The following PELP1 variants were observed in gnomAD, a reference collection of about 807,000 sequenced individuals.
PELP1 encodes proline, glutamate and leucine rich protein 1.
A neutral mutation model predicts 95.5 loss-of-function variants in PELP1; 32 were observed. The observed-to-expected ratio is 0.34, with a 90% CI of 0.25 to 0.45. The LOEUF (loss-of-function observed/expected upper bound fraction) is 0.45, where lower values mean the gene tolerates loss of function less well. Among genes scored for constraint, PELP1 ranks in the 20% least tolerant of loss-of-function variants. The probability of loss-of-function intolerance (pLI) is 1.00; values close to 1 mark genes in which losing one functional copy is unlikely to be tolerated. For synonymous variants in PELP1, 668 were observed against 600.1 expected (o/e 1.11, Z -1.65); for missense variants, 1,358 against 1,444.8 (o/e 0.94, Z 0.97).
At position 4,673,706 on chromosome 17, in the gene PELP1, G is replaced by A. The variant is rs534477334; in HGVS notation, c.1583-32C>T. On this transcript the variant is annotated intron_variant, in intron 13 of 16. Coordinates refer to ENST00000572293, the MANE Select transcript of PELP1 (RefSeq NM_014389.3). This position sits in a 1 kb window ranked among gnomAD's most constrained non-coding sequence, Gnocchi z 5.7. The stretch of plus-strand genomic sequence containing the variant: ...AAGAAGAATGGTGTGTAAAGGGTAG[G>A]CTCCCAACAGACTGACGGCAAGGGC... The A allele has an allele frequency of 2.8e-4, 445 of 1,596,546 alleles. 2 individuals are homozygous for A. Among genetic ancestry groups the A allele is most frequent in the Non-Finnish European group, 1.1e-4 (133 of 1,164,006 alleles).
At chr17:4,687,308 G>A (rs1912939507) in intron 3 of PELP1, among the ~76,000 whole-genome samples, 1 of 152,120 alleles carries the variant, frequency 6.6e-6, no homozygotes, top group Admixed American at 6.6e-5. Flanking sequence ...ACTCTGGGAG[G>A]CCAAGGTGGG....
chr17:4,681,459 C>T (rs1261576832), intron 5 of PELP1, among the ~76,000 whole-genome samples: 2 of 151,720 alleles, frequency 1.3e-5, no homozygotes, highest in African/African-American at 2.4e-5. Context: ...TGCAGTGAGC[C>T]GATATCACAC....
chr17:4,679,846 AC>A (rs2150556467), intron 5 of PELP1, among the ~76,000 whole-genome samples: 1 of 152,238 alleles, frequency 6.6e-6, no homozygotes, highest in South Asian at 2.1e-4. Context: ...CAAGGACACA[AC>A]CCCTCGCTCA....
intron 3 of PELP1, among the ~76,000 whole-genome samples, chr17:4,683,677 T>C (rs147876769): frequency 6.6e-6 from 1 of 151,384 alleles, no homozygotes; most frequent in African/African-American, 2.4e-5. Context: ...ATTACAGGCA[T>C]GGACCATCAT....
At position 4,671,106 on chromosome 17, in the gene PELP1, C is replaced by CA. The variant is rs1912178342; in HGVS notation, c.*332dup. 1.5e-5 allele frequency: 5 copies of CA among 332,372 alleles called. No individual in the cohort carries two copies. The South Asian group carries it at 1.5e-4, about 10-fold the overall frequency. 20.6% of individuals were successfully genotyped at this position (332,372 alleles called of 1,614,324 possible). On this transcript the variant is annotated 3_prime_UTR_variant, in exon 17 of 17. Transcript: ENST00000572293. Reference sequence around the variant, plus strand: ...CTCCACACATTTCCCACCCCGAATACAAACACGAAAGCAGGGCTGTGTCTC... The same window carrying CA: ...CTCCACACATTTCCCACCCCGAATACAAAACACGAAAGCAGGGCTGTGTCTC...
In PELP1 at chr17:4,682,502, T is replaced by C. The variant is rs1435523813; in HGVS notation, c.642A>G (p.Lys214=). 6.2e-7 allele frequency: 1 copy of C among 1,602,896 alleles called. No homozygotes were observed. The highest frequency in any genetic ancestry group is 8.5e-7 in the Non-Finnish European group (1 of 1,169,916). The change falls in exon 5 of 17, where the codon AAA becomes AAG. Residue 214 remains lysine, a splice_region_variant and synonymous_variant. Transcript: ENST00000572293. ...GGGAGAAGAGTGCATAAATACTTAC[T>C]TTGAGAGAACCACAAGCCCGAGGGA... The part of the protein sequence containing the change: ...TYFPRACGSL[K]GKLASFFLSR...
At chr17:4,678,247 C>G (rs1169526660) in intron 5 of PELP1, among the ~76,000 whole-genome samples, 1 of 151,946 alleles carries the variant, frequency 6.6e-6, no homozygotes, top group Non-Finnish European at 1.5e-5. Context: ...GATAACAAGA[C>G]AAGCATATGG....
chr17:4,699,876 T>C (rs1432843518), intron 1 of PELP1, among the ~76,000 whole-genome samples: 1 of 140,560 alleles, frequency 7.1e-6, no homozygotes, highest in African/African-American at 2.6e-5. Context: ...TGTGAGTCAC[T>C]GCACCCAGCC....
rs1016123113 is a variant in PELP1 at position 4,672,125 on chromosome 17, C to G, written c.2866G>C (p.Glu956Gln). 6 of 1,552,486 alleles carry G rather than the reference C, an allele frequency of 3.9e-6. No individual in the cohort carries two copies. The African/African-American group carries it at 8.2e-5, about 21-fold the overall frequency. The change falls in exon 16 of 17, where the codon GAA becomes CAA. Residue 956 changes from glutamate (E) to glutamine (Q), a missense_variant. Glu to Gln is a conservative substitution (Grantham distance 29, BLOSUM62 2). Transcript: ENST00000572293. Reference sequence around the variant, plus strand: ...TCCAGGTCTTCCACCTCTTCCAGTTCTTCTTCCTCCTCCTCATCCTCCTCT... The same window carrying G: ...TCCAGGTCTTCCACCTCTTCCAGTTGTTCTTCCTCCTCCTCATCCTCCTCT... The part of the protein sequence containing the change: ...EEEEDEEEEE[E>Q]LEEVEDLEFG...
rs1225374986 is a variant in PELP1, at chr17:4,671,528, GCTC to G, written c.3301_3303del (p.Glu1101del). On this transcript the variant is annotated inframe_deletion and splice_region_variant, in exon 17 of 17. Coordinates refer to ENST00000572293, the MANE Select transcript of PELP1 (RefSeq NM_014389.3). Reference sequence around the variant, plus strand: ...GCCAGCATGGCAGCTGTGTCATCCTGCTCCTTTTAGGCACAAAGATACAAGATT... The same window carrying G: ...GCCAGCATGGCAGCTGTGTCATCCTGCTTTTAGGCACAAAGATACAAGATT... 1.2e-6 allele frequency: 2 copies of G among 1,613,654 alleles called. No individual in the cohort carries two copies. Among genetic ancestry groups the G allele is most frequent in the African/African-American group, 1.3e-5 (1 of 75,030 alleles).
In PELP1 at chr17:4,703,962, C is replaced by T. The variant is rs1381507246; in HGVS notation, c.150G>A (p.Gly50=). Residue 50 remains glycine, a synonymous_variant, in exon 1 of 17, where the codon GGG becomes GGA. Transcript: ENST00000572293. ...SVSGLLQPRT[G]SAVAPVHPPN... is the part of the protein sequence containing the mutation. Reference sequence around the variant, plus strand: ...GGGGATGCACCGGAGCAACGGCAGACCCCGTTCGAGGTTGCAGCAAACCAG... The same window carrying T: ...GGGGATGCACCGGAGCAACGGCAGATCCCGTTCGAGGTTGCAGCAAACCAG... 2 of 1,613,510 alleles carry T rather than the reference C, an allele frequency of 1.2e-6. No homozygotes were observed. Among genetic ancestry groups the T allele is most frequent in the Non-Finnish European group, 8.5e-7 (1 of 1,179,760 alleles).
chr17:4,701,492 G>A (rs1057450335), intron 1 of PELP1, among the ~76,000 whole-genome samples: 1 of 152,172 alleles, frequency 6.6e-6, no homozygotes. Context: ...GGATTACAGA[G>A]GGCAAGACTG....
At chr17:4,685,475 A>G (rs1912871722) in intron 3 of PELP1, among the ~76,000 whole-genome samples, 1 of 151,948 alleles carries the variant, frequency 6.6e-6, no homozygotes, top group African/African-American at 2.4e-5. Context: ...CCATCTAAAC[A>G]CTGAAGACTC....
chr17:4,672,319 T>C lies in PELP1; in HGVS notation c.2672A>G (p.Glu891Gly), dbSNP rs746862858. 6.4e-7 allele frequency: 1 copy of C among 1,553,500 alleles called. No homozygotes were observed. The highest frequency in any genetic ancestry group is 1.4e-5 in the African/African-American group (1 of 73,228). ...ININSSDEEE[E>G]EEEEEEEEEE... ...TTCTTCTTCCTCTTCTTCCTCTTCC[T>C]CCTCCTCTTCATCACTGCTGTTGAT... Residue 891 changes from glutamate to glycine, a missense_variant, in exon 16 of 17, where the codon GAG (glutamate) becomes GGG (glycine). Glu to Gly is a moderately conservative substitution (Grantham distance 98). Transcript: ENST00000572293.
At chr17:4,683,283 C>G (rs1302295270) in intron 3 of PELP1, among the ~76,000 whole-genome samples, 7 of 148,138 alleles carry the variant, frequency 4.7e-5, no homozygotes, top group Non-Finnish European at 7.4e-5. Flanking sequence ...TGCAGTGGCG[C>G]GATCTCGGCT....
intron 1 of PELP1, among the ~76,000 whole-genome samples, chr17:4,700,652 C>T (rs1028466746): frequency 2.0e-5 from 3 of 151,948 alleles, no homozygotes; most frequent in African/African-American, 4.8e-5. Flanking sequence ...AAGCTGAGCA[C>T]GGTGGTTCAC....
intron 1 of PELP1, among the ~76,000 whole-genome samples, chr17:4,700,938 A>AG (rs1221900255): frequency 4.9e-4 from 73 of 149,420 alleles, no homozygotes; most frequent in Non-Finnish European, 9.0e-4. Context: ...CAAAAAAAAA[A>AG]AAAAGAAAAG....
At chr17:4,677,581 G>A (rs540699991) in intron 5 of PELP1, among the ~76,000 whole-genome samples, 1 of 152,132 alleles carries the variant, frequency 6.6e-6, no homozygotes, top group East Asian at 1.9e-4. Context: ...TCACTAATTT[G>A]CAATTATAGT....
chr17:4,692,674 C>T lies in PELP1; in HGVS notation c.250-1232G>A, dbSNP rs940870926. ...GAGTGCCCAGAGTAGGCAAAGGGGA[C>T]AGGATTTTATTTAGGAGAGTAGATA... On this transcript the variant is annotated intron_variant, in intron 1 of 16. Coordinates refer to ENST00000572293, the MANE Select transcript of PELP1 (RefSeq NM_014389.3). Among the ~76,000 whole-genome samples, 6 of 151,810 alleles carry T rather than the reference C, an allele frequency of 4.0e-5. No homozygotes were observed. The East Asian group carries it at 5.8e-4, about 15-fold the overall frequency.
Sources: gnomAD v4.1 joint callset for allele counts (sites outside exome capture counted in the v4.1 genomes callset) on GRCh38, gnomAD v4.1.1 for gene constraint, Gnocchi (gnomAD v3.1) non-coding constraint, MANE v1.5 for transcripts, NCBI Gene and HGNC (gene_info 2026-07-23, HGNC 2026-07-21) for gene names.